Variants in ELAVL4 observed in about 807,000 individuals in gnomAD.
ELAVL4 encodes the protein ELAV like RNA binding protein 4.
ELAVL4 carries 1 observed loss-of-function variant against 35.6 expected under a neutral mutation model. That is an observed-to-expected ratio of 0.03 (90% CI 0.01 to 0.13). ELAVL4 has a LOEUF of 0.13. Among genes scored for constraint, ELAVL4 ranks in the 10% least tolerant of loss-of-function variants. The pLI is 1.00. For synonymous variants in ELAVL4, 156 were observed against 171.0 expected, an observed-to-expected ratio of 0.91 and a Z score of 0.69; for missense variants, 267 against 464.9, an observed-to-expected ratio of 0.57 and a Z score of 3.91.
At chr1:50,053,479 G>T (rs1345621959) in intron 1 of ELAVL4, among the ~76,000 whole-genome samples, 1 of 152,152 alleles carries the variant, frequency 6.6e-6, no homozygotes, top group Non-Finnish European at 1.5e-5. Flanking sequence ...CTCCTGAGTA[G>T]CTGGAACTAC....
intron 5 of ELAVL4, 146 bp downstream of exon 5, chr1:50,195,932 G>C (rs984699486): frequency 1.1e-6 from 1 of 898,222 alleles, no homozygotes; most frequent in Non-Finnish European, 1.7e-6. Context: ...CCGAGCCTCA[G>C]TTTCCATTCC....
intron 1 of ELAVL4, among the ~76,000 whole-genome samples, chr1:50,076,887 A>G (rs978015177): frequency 2.0e-5 from 3 of 152,138 alleles, no homozygotes; most frequent in Non-Finnish European, 4.4e-5. Context: ...GATGAAAGAC[A>G]AGGAGATGAG....
chr1:50,177,562 GA>G (rs960331454), intron 3 of ELAVL4, among the ~76,000 whole-genome samples: 2 of 152,214 alleles, frequency 1.3e-5, no homozygotes, highest in Non-Finnish European at 2.9e-5. Flanking sequence ...GCAAAGCTGT[GA>G]AAATGTAAGA....
At chr1:50,132,447 G>A (rs1237242979) in intron 1 of ELAVL4, among the ~76,000 whole-genome samples, 3 of 152,096 alleles carry the variant, frequency 2.0e-5, no homozygotes, top group Non-Finnish European at 4.4e-5. Context: ...CTTTTAGAAC[G>A]GATCAGTACT....
chr1:50,170,511 T>A (rs1373394585), intron 2 of ELAVL4, among the ~76,000 whole-genome samples: 1 of 152,212 alleles, frequency 6.6e-6, no homozygotes, highest in Non-Finnish European at 1.5e-5. Context: ...GAACTGGGAT[T>A]CAGACACACG....
At position 50,201,350 on chromosome 1, in the gene ELAVL4, A is replaced by T; in HGVS notation, c.*172A>T. 1.6e-6 allele frequency: 1 copy of T among 610,248 alleles called. No individual in the cohort carries two copies. Among genetic ancestry groups the T allele is most frequent in the Non-Finnish European group, 2.4e-6 (1 of 418,858 alleles). The allele number at this position is 610,248 out of a possible 1,614,324, so 37.8% of individuals were successfully genotyped here. On this transcript the variant is annotated 3_prime_UTR_variant, in exon 7 of 7. Transcript: ENST00000371824. The surrounding 1 kb of genome is among the most constrained non-coding windows in gnomAD (Gnocchi z 4.3). ...AGTATTAAAACATTGGATTATCCTG[A>T]GGTGTACCAGGAAAGGATTTTATAA... is the stretch of plus-strand genomic sequence containing the variant.
At chr1:50,085,713 T>C (rs529038202) in intron 1 of ELAVL4, among the ~76,000 whole-genome samples, 83 of 152,336 alleles carry the variant, frequency 5.4e-4, no homozygotes, top group Non-Finnish European at 1.0e-3. Context: ...GTACCATTTT[T>C]ATTCAGATAT....
intron 2 of ELAVL4, among the ~76,000 whole-genome samples, chr1:50,176,032 G>A (rs1679974512): frequency 6.6e-6 from 1 of 152,192 alleles, no homozygotes; most frequent in Non-Finnish European, 1.5e-5. Flanking sequence ...GTTTCTTAAA[G>A]GGTATGTCAG....
At chr1:50,113,011 G>A (rs753970502) in intron 1 of ELAVL4, among the ~76,000 whole-genome samples, 2 of 152,064 alleles carry the variant, frequency 1.3e-5, no homozygotes, top group Non-Finnish European at 2.9e-5. Flanking sequence ...TCTTGAAATT[G>A]GATTTGGGAC....
At chr1:50,057,518 T>C (rs1663741444) in intron 1 of ELAVL4, among the ~76,000 whole-genome samples, 1 of 152,214 alleles carries the variant, frequency 6.6e-6, no homozygotes, top group Admixed American at 6.5e-5. Flanking sequence ...GCAAGCTCCA[T>C]TTATGGCAAC....
chr1:50,113,609 A>G (rs2148550592), intron 1 of ELAVL4, among the ~76,000 whole-genome samples: 1 of 152,220 alleles, frequency 6.6e-6, no homozygotes, highest in African/African-American at 2.4e-5. Context: ...GCTGCAATGC[A>G]GTATTTTTTT....
At chr1:50,111,338 A>G (rs969117461) in intron 1 of ELAVL4, among the ~76,000 whole-genome samples, 5 of 151,772 alleles carry the variant, frequency 3.3e-5, no homozygotes, top group Non-Finnish European at 2.9e-5. Flanking sequence ...TGTAAATTAT[A>G]TTGAATGAAG....
At chr1:50,109,626 T>A (rs1216165492) in intron 1 of ELAVL4, 1 of 422,684 alleles carries the variant, frequency 2.4e-6, no homozygotes, top group African/African-American at 2.0e-5. Flanking sequence ...GCTGGAAATT[T>A]AAACCTCGAG....
rs868813722 is a variant in ELAVL4 at position 50,193,781 on chromosome 1, C to T, written c.371C>T (p.Pro124Leu). Residue 124 changes from proline (P) to leucine (L), a missense_variant, in exon 4 of 7, where the codon CCG becomes CTG. By Grantham distance (98) the Pro-to-Leu change is moderately conservative. Around this residue, in one of 2 missense-constraint regions of ELAVL4, gnomAD observed 216 missense variants for 409.5 expected, o/e 0.53. Transcript: ENST00000371824. ...TKTIKVSYAR[P>L]SSASIRDANL... is the part of the protein sequence containing the mutation. ...TTTTCCTAGGTCTCATATGCCCGTC[C>T]GAGCTCTGCCTCAATCAGGGATGCT... The T allele has an allele frequency of 2.5e-6, 4 of 1,613,744 alleles. No homozygotes were observed. The highest frequency in any genetic ancestry group is 3.4e-6 in the Non-Finnish European group (4 of 1,179,838).
chr1:50,129,245 G>A (rs992325762), intron 1 of ELAVL4, among the ~76,000 whole-genome samples: 2 of 152,030 alleles, frequency 1.3e-5, no homozygotes, highest in Non-Finnish European at 2.9e-5. Flanking sequence ...TCCTCTGGAA[G>A]TGCATTCTGT....
chr1:50,056,292 G>C (rs1000119998), intron 1 of ELAVL4, among the ~76,000 whole-genome samples: 1 of 152,116 alleles, frequency 6.6e-6, no homozygotes, highest in Admixed American at 6.5e-5. Flanking sequence ...AACTTTCCCT[G>C]TCTGTTCTTG....
chr1:50,080,750 A>C (rs1333830096), intron 1 of ELAVL4, among the ~76,000 whole-genome samples: 1 of 152,126 alleles, frequency 6.6e-6, no homozygotes, highest in Non-Finnish European at 1.5e-5. Flanking sequence ...CCTCCACTGG[A>C]CAGCCTTCCC....
At chr1:50,083,983 T>C (rs915617207) in intron 1 of ELAVL4, among the ~76,000 whole-genome samples, 3 of 152,212 alleles carry the variant, frequency 2.0e-5, no homozygotes, top group African/African-American at 7.2e-5. Flanking sequence ...CCCCTCATTG[T>C]TGAGAGCTGC....
upstream of ELAVL4, among the ~76,000 whole-genome samples, chr1:50,099,792 G>A (rs569483291): frequency 5.9e-5 from 9 of 152,214 alleles, no homozygotes; most frequent in South Asian, 1.7e-3. Flanking sequence ...TCCAAGCCTG[G>A]AGAATGGAAT....
Sources: gnomAD v4.1 joint callset for allele counts (sites outside exome capture counted in the v4.1 genomes callset) on GRCh38, gnomAD v4.1.1 for gene constraint, gnomAD v4.1.1 regional missense constraint, Gnocchi (gnomAD v3.1) non-coding constraint, MANE v1.5 for transcripts, NCBI Gene and HGNC (gene_info 2026-07-23, HGNC 2026-07-21) for gene names.